ARHGAP24: variants seen among roughly 807,000 people sequenced by gnomAD.
The protein encoded by ARHGAP24 is rho GTPase-activating protein 24.
Under a neutral mutation model 76.4 loss-of-function variants are expected in ARHGAP24, and 50 were observed. The ratio of observed to expected loss-of-function variants is 0.65; its 90% CI spans 0.52 to 0.83. The LOEUF (loss-of-function observed/expected upper bound fraction) is 0.83. Among genes scored for constraint, ARHGAP24 ranks in the 40% least tolerant of loss-of-function variants. The pLI, the probability that ARHGAP24 is intolerant of heterozygous loss-of-function variation, is 0.00. For missense variants in ARHGAP24, 930 were observed against 914.2 expected, an observed-to-expected ratio of 1.02 and a Z score of -0.22; for synonymous variants, 345 against 323.3, an observed-to-expected ratio of 1.07 and a Z score of -0.72.
At chr4:85,665,309 C>T (rs1014443823) in intron 2 of ARHGAP24, among the ~76,000 whole-genome samples, 22 of 152,136 alleles carry the variant, frequency 1.4e-4, no homozygotes, top group Non-Finnish European at 2.9e-4. Flanking sequence ...GGTTTAAAGT[C>T]TGTTTTATCA....
intron 2 of ARHGAP24, among the ~76,000 whole-genome samples, chr4:85,598,392 C>T (rs191986967): frequency 6.6e-6 from 1 of 152,092 alleles, no homozygotes; most frequent in Non-Finnish European, 1.5e-5. Flanking sequence ...TTTCTCTTAA[C>T]ACCCTCTCTT....
chr4:85,540,075 A>C (rs1725618780), intron 1 of ARHGAP24, among the ~76,000 whole-genome samples: 1 of 151,806 alleles, frequency 6.6e-6, no homozygotes. Flanking sequence ...AAAATAAAAT[A>C]AATAAAAATA....
intron 3 of ARHGAP24, among the ~76,000 whole-genome samples, chr4:85,722,938 T>C (rs1725010787): frequency 6.6e-6 from 1 of 152,202 alleles, no homozygotes; most frequent in Non-Finnish European, 1.5e-5. Context: ...TGAAAACAGC[T>C]GTGGCACTAA....
intron 1 of ARHGAP24, among the ~76,000 whole-genome samples, chr4:85,496,966 C>A (rs773596532): frequency 1.3e-5 from 2 of 152,134 alleles, no homozygotes; most frequent in Admixed American, 6.5e-5. Context: ...GGAAGGAAGT[C>A]ATTTTGGGCA....
chr4:85,794,063 AAATATATT>A (rs1578234588), intron 3 of ARHGAP24, among the ~76,000 whole-genome samples: 1 of 152,216 alleles, frequency 6.6e-6, no homozygotes, highest in African/African-American at 2.4e-5. Context: ...CAAACAATCC[AAATATATT>A]AATATATCAT....
In ARHGAP24 at chr4:85,525,874, T is replaced by C. The variant is rs116895732; in HGVS notation, c.-20-44648T>C. On this transcript the variant is annotated intron_variant, in intron 1 of 9. Coordinates refer to ENST00000395184, the MANE Select transcript of ARHGAP24 (RefSeq NM_001025616.3). Reference sequence around the variant, plus strand: ...GTCATGAATGTTCTCCTTGTTGCTATTTTCTTAGAAGGTCGCCTTTTACTT... The same window carrying C: ...GTCATGAATGTTCTCCTTGTTGCTACTTTCTTAGAAGGTCGCCTTTTACTT... Among the ~76,000 whole-genome samples, 16 of 152,308 alleles carry C rather than the reference T, an allele frequency of 1.1e-4. No individual in the cohort carries two copies. The East Asian group carries it at 3.1e-3, about 29-fold the overall frequency.
intron 3 of ARHGAP24, among the ~76,000 whole-genome samples, chr4:85,732,294 T>G (rs577396978): frequency 1.3e-5 from 2 of 152,122 alleles, no homozygotes; most frequent in South Asian, 4.2e-4. Context: ...GATGTCAGAA[T>G]GAGAAAGGGG....
intron 3 of ARHGAP24, among the ~76,000 whole-genome samples, chr4:85,778,423 A>G (rs1578217622): frequency 1.3e-5 from 2 of 152,144 alleles, no homozygotes; most frequent in South Asian, 4.1e-4. Flanking sequence ...TAGTGGAAAA[A>G]GCATTGAAGC....
At chr4:85,919,388 C>G (rs1180432470) in intron 3 of ARHGAP24, among the ~76,000 whole-genome samples, 2 of 152,146 alleles carry the variant, frequency 1.3e-5, no homozygotes, top group Non-Finnish European at 2.9e-5. Context: ...TTAGAAATCA[C>G]CTATTTTTAG....
chr4:85,612,300 C>G (rs1015048216), intron 2 of ARHGAP24, among the ~76,000 whole-genome samples: 1 of 146,214 alleles, frequency 6.8e-6, no homozygotes, highest in Non-Finnish European at 1.5e-5. Flanking sequence ...GCCTGTAGTC[C>G]CAGCTACTCG....
At chr4:85,777,905 A>G (rs1254294593) in intron 3 of ARHGAP24, among the ~76,000 whole-genome samples, 5 of 152,190 alleles carry the variant, frequency 3.3e-5, no homozygotes, top group African/African-American at 9.6e-5. Context: ...AAAGACACCA[A>G]TGAAAATTGT....
At chr4:85,880,664 G>A (rs1416040841) in intron 3 of ARHGAP24, among the ~76,000 whole-genome samples, 1 of 152,082 alleles carries the variant, frequency 6.6e-6, no homozygotes, top group Non-Finnish European at 1.5e-5. Flanking sequence ...GAGTAGCTGG[G>A]ACCGCAGGCG....
intron 2 of ARHGAP24, among the ~76,000 whole-genome samples, chr4:85,575,432 T>C (rs1727331686): frequency 6.6e-6 from 1 of 152,212 alleles, no homozygotes; most frequent in African/African-American, 2.4e-5. Context: ...TTTCATTGTA[T>C]TTACATGCAG....
intron 3 of ARHGAP24, among the ~76,000 whole-genome samples, chr4:85,859,959 A>C (rs1051059964): frequency 3.9e-5 from 6 of 152,060 alleles, no homozygotes; most frequent in African/African-American, 1.2e-4. Flanking sequence ...ATTTTTCCTG[A>C]TATTAACAGG....
chr4:85,841,817 T>C (rs559772885), intron 3 of ARHGAP24, among the ~76,000 whole-genome samples: 15 of 152,218 alleles, frequency 9.9e-5, no homozygotes, highest in Non-Finnish European at 2.1e-4. Flanking sequence ...TGGTGGTCTA[T>C]AAAATTCATC....
chr4:85,853,461 GCT>G (rs1731357093), intron 3 of ARHGAP24, among the ~76,000 whole-genome samples: 1 of 152,096 alleles, frequency 6.6e-6, no homozygotes, highest in Non-Finnish European at 1.5e-5. Flanking sequence ...CCCTGCTTCG[GCT>G]CACCCTCTGT....
Position 85,957,349 on chromosome 4 carries a change from A to G in ARHGAP24, c.600-14687A>G, listed in dbSNP as rs115540977. 7.1e-3 allele frequency among the ~76,000 whole-genome samples: 1,085 copies of G among 152,302 alleles called. 4 individuals are homozygous for G. Among genetic ancestry groups the G allele is most frequent in the Non-Finnish European group, 0.011 (777 of 68,028 alleles). ...CACTACTTGCATAAACACGAGGTCA[A>G]TGTAACATAAGCACAATGACAAGAA... On this transcript the variant is annotated intron_variant, in intron 5 of 9. Coordinates refer to ENST00000395184, the MANE Select transcript of ARHGAP24 (RefSeq NM_001025616.3).
At chr4:85,636,583 C>G (rs1396449832) in intron 2 of ARHGAP24, among the ~76,000 whole-genome samples, 2 of 151,974 alleles carry the variant, frequency 1.3e-5, no homozygotes, top group African/African-American at 4.8e-5. Context: ...CACACACACA[C>G]TCAGTGCTAG....
chr4:85,673,443 T>C (rs78609004), intron 2 of ARHGAP24, among the ~76,000 whole-genome samples: 1 of 152,168 alleles, frequency 6.6e-6, no homozygotes, highest in African/African-American at 2.4e-5. Context: ...TTGGAAAATA[T>C]GAAATCTCTG....
Sources: allele counts gnomAD v4.1 joint callset (sites outside exome capture counted in the v4.1 genomes callset), GRCh38; gene constraint gnomAD v4.1.1; transcripts MANE v1.5; gene names NCBI Gene and HGNC (gene_info 2026-07-23, HGNC 2026-07-21).